CAMTA1: variants seen among roughly 807,000 people sequenced by gnomAD.
CAMTA1 encodes calmodulin binding transcription activator 1.
A neutral mutation model predicts 170.9 loss-of-function variants in CAMTA1; 27 were observed. The observed-to-expected ratio is 0.16, with a 90% CI of 0.12 to 0.22. The LOEUF is 0.22. Among genes scored for constraint, CAMTA1 ranks in the 10% least tolerant of loss-of-function variants. The pLI is 1.00. For synonymous variants in CAMTA1, 833 were observed against 891.5 expected (o/e 0.93, Z 1.17); for missense variants, 1,619 against 2,217.2 (o/e 0.73, Z 5.42).
At chr1:7,027,883 A>T (rs1702228374) in intron 3 of CAMTA1, among the ~76,000 whole-genome samples, 1 of 151,232 alleles carries the variant, frequency 6.6e-6, no homozygotes, top group Non-Finnish European at 1.5e-5. Context: ...CCAACCAGAG[A>T]TATTATTTCT....
In CAMTA1 at chr1:7,325,890, G is replaced by A. The variant is rs1039561595; in HGVS notation, c.438+76264G>A. ...TGTTTGTTTTATGAGGCAGAGTCTCGCTCTGTTGCCCAGGCTGGAGGGCAG... is the reference window on the plus strand; with the variant it reads ...TGTTTGTTTTATGAGGCAGAGTCTCACTCTGTTGCCCAGGCTGGAGGGCAG... On this transcript the variant is annotated intron_variant, in intron 5 of 22. Transcript: ENST00000303635. The surrounding 1 kb of genome is among the most constrained non-coding windows in gnomAD (Gnocchi z 5.0). 3.0e-4 allele frequency among the ~76,000 whole-genome samples: 46 copies of A among 152,148 alleles called. No individual in the cohort carries two copies. Among genetic ancestry groups the A allele is most frequent in the African/African-American group, 1.0e-3 (43 of 41,502 alleles).
At chr1:7,670,152 C>G (rs1468501941) in intron 9 of CAMTA1, among the ~76,000 whole-genome samples, 1 of 152,184 alleles carries the variant, frequency 6.6e-6, no homozygotes, top group East Asian at 1.9e-4. Context: ...TCACTGCTTG[C>G]TTGTGGGACC....
chr1:6,880,008 G>A (rs1356133133), intron 3 of CAMTA1, among the ~76,000 whole-genome samples: 2 of 151,958 alleles, frequency 1.3e-5, no homozygotes, highest in Admixed American at 1.3e-4. Context: ...AAATAGAGAA[G>A]CATCAGCAAA....
intron 5 of CAMTA1, among the ~76,000 whole-genome samples, chr1:7,297,563 G>A (rs761908604): frequency 3.9e-5 from 6 of 152,192 alleles, no homozygotes; most frequent in Non-Finnish European, 7.3e-5. Flanking sequence ...CTGCATGTGG[G>A]CAGTTCTGCC....
intron 3 of CAMTA1, among the ~76,000 whole-genome samples, chr1:6,827,365 A>G (rs180722485): frequency 3.3e-4 from 51 of 152,306 alleles, no homozygotes; most frequent in African/African-American, 1.2e-3. Context: ...AAAAGCTCCT[A>G]TGAGGGAACT....
intron 3 of CAMTA1, among the ~76,000 whole-genome samples, chr1:7,019,921 CT>C: frequency 6.6e-6 from 1 of 152,246 alleles, no homozygotes. Flanking sequence ...CCTTTCTCCT[CT>C]TTCCCATGTG....
intron 3 of CAMTA1, among the ~76,000 whole-genome samples, chr1:6,839,214 C>T (rs963278999): frequency 2.6e-5 from 4 of 151,910 alleles, no homozygotes; most frequent in Non-Finnish European, 5.9e-5. Flanking sequence ...AACCCTGTTC[C>T]TACTAAAAAT....
intron 4 of CAMTA1, among the ~76,000 whole-genome samples, chr1:7,202,891 T>G (rs747985234): frequency 6.6e-6 from 1 of 152,206 alleles, no homozygotes; most frequent in East Asian, 1.9e-4. Context: ...CTAGTTACCC[T>G]GGCTAGAACT....
intron 5 of CAMTA1, among the ~76,000 whole-genome samples, chr1:7,406,809 C>A (rs1434176858): frequency 3.3e-5 from 5 of 152,260 alleles, no homozygotes; most frequent in Admixed American, 1.3e-4. Flanking sequence ...CCCCCACAGC[C>A]CCCCTCCCGA....
chr1:7,298,389 G>A lies in CAMTA1; in HGVS notation c.438+48763G>A, dbSNP rs149936854. On this transcript the variant is annotated intron_variant, in intron 5 of 22. Transcript: ENST00000303635. Reference sequence around the variant, plus strand: ...GACAAGTTCCTGTGGATCCCCTGGGGTCCCCAGGAATGTATTTCTACTCTG... The same window carrying A: ...GACAAGTTCCTGTGGATCCCCTGGGATCCCCAGGAATGTATTTCTACTCTG... Among the ~76,000 whole-genome samples, 671 of 152,236 alleles carry A rather than the reference G, an allele frequency of 4.4e-3. 8 individuals are homozygous for A. Among genetic ancestry groups the A allele is most frequent in the Admixed American group, 0.024 (365 of 15,294 alleles).
intron 18 of CAMTA1, among the ~76,000 whole-genome samples, chr1:7,747,199 CAG>C (rs1309450225): frequency 6.6e-6 from 1 of 152,118 alleles, no homozygotes; most frequent in East Asian, 1.9e-4. Context: ...TGACCTAAAG[CAG>C]GGGTTTTCAA....
chr1:7,271,744 A>C (rs1669848478), intron 5 of CAMTA1, among the ~76,000 whole-genome samples: 1 of 152,140 alleles, frequency 6.6e-6, no homozygotes, highest in Non-Finnish European at 1.5e-5. Flanking sequence ...AGACAGACAA[A>C]TAAAAGACCC....
intron 22 of CAMTA1, among the ~76,000 whole-genome samples, chr1:7,756,069 G>A (rs565423389): frequency 6.6e-6 from 1 of 151,774 alleles, no homozygotes; most frequent in Non-Finnish European, 1.5e-5. Context: ...TTTTCTCAAC[G>A]ATTGCTTTGT....
chr1:7,062,556 A>G (rs1403240053), intron 3 of CAMTA1, among the ~76,000 whole-genome samples: 1 of 152,020 alleles, frequency 6.6e-6, no homozygotes, highest in Non-Finnish European at 1.5e-5. Flanking sequence ...TTACACGGAC[A>G]GGCACAGGCT....
At chr1:7,271,799 C>T (rs1331601747) in intron 5 of CAMTA1, among the ~76,000 whole-genome samples, 1 of 151,954 alleles carries the variant, frequency 6.6e-6, no homozygotes, top group East Asian at 1.9e-4. Flanking sequence ...CACTACTGAC[C>T]TTCTAGAATA....
At chr1:7,215,160 T>TG (rs1659533164) in intron 4 of CAMTA1, among the ~76,000 whole-genome samples, 1 of 101,370 alleles carries the variant, frequency 9.9e-6, no homozygotes. Context: ...GTGATTATCC[T>TG]ATTTTTTAAA....
intron 17 of CAMTA1, 120 bp downstream of exon 17, chr1:7,745,142 A>C (rs1170820183): frequency 5.2e-6 from 5 of 968,622 alleles, no homozygotes; most frequent in Non-Finnish European, 7.6e-6. Flanking sequence ...GGAAGGAAGG[A>C]AGCATGAGGA....
chr1:7,565,728 T>A lies in CAMTA1; in HGVS notation c.511-74672T>A, dbSNP rs1242182926. Among the ~76,000 whole-genome samples, 1 of 152,168 alleles carries A rather than the reference T, an allele frequency of 6.6e-6. No individual in the cohort carries two copies. Among genetic ancestry groups the A allele is most frequent in the East Asian group, 1.9e-4 (1 of 5,186 alleles). On this transcript the variant is annotated intron_variant, in intron 6 of 22. Transcript: ENST00000303635. The surrounding 1 kb of genome is among the most constrained non-coding windows in gnomAD (Gnocchi z 4.5). Reference sequence around the variant, plus strand: ...GGGGGCTGTTTTATGTTGTTTGTTTTGTCCTCGTGTCTTAGTCTACTCAGG... The same window carrying A: ...GGGGGCTGTTTTATGTTGTTTGTTTAGTCCTCGTGTCTTAGTCTACTCAGG...
Position 7,649,739 on chromosome 1 carries a change from G to A in CAMTA1, c.664+9186G>A, listed in dbSNP as rs769028753. 2.6e-5 allele frequency among the ~76,000 whole-genome samples: 4 copies of A among 152,182 alleles called. 1 individual carries two copies. Among genetic ancestry groups the A allele is most frequent in the Non-Finnish European group, 5.9e-5 (4 of 68,024 alleles). On this transcript the variant is annotated intron_variant, in intron 7 of 22. Coordinates refer to ENST00000303635, the MANE Select transcript of CAMTA1 (RefSeq NM_015215.4). ...TCTTGCTGCCCAGGGCCGCTTCAAG[G>A]CCGCATAGCTGCTTCCGTGACAGGA... is the stretch of plus-strand genomic sequence containing the variant.
Sources: gnomAD v4.1 joint callset for allele counts (sites outside exome capture counted in the v4.1 genomes callset) on GRCh38, gnomAD v4.1.1 for gene constraint, Gnocchi (gnomAD v3.1) non-coding constraint, MANE v1.5 for transcripts, NCBI Gene and HGNC (gene_info 2026-07-23, HGNC 2026-07-21) for gene names.